Variants in GAD1 observed in about 807,000 individuals in gnomAD.
The protein encoded by GAD1 is glutamate decarboxylase 1, also known as 67 kDa glutamic acid decarboxylase.
A neutral mutation model predicts 75.2 loss-of-function variants in GAD1; 35 were observed. That is an observed-to-expected ratio of 0.47 (90% CI 0.36 to 0.62). The LOEUF (loss-of-function observed/expected upper bound fraction) is 0.62, where lower values mean the gene tolerates loss of function less well. Among genes scored for constraint, GAD1 ranks in the 20% least tolerant of loss-of-function variants. GAD1 has a pLI of 0.00. For missense variants in GAD1, 490 were observed against 758.5 expected (o/e 0.65, Z 4.16); for synonymous variants, 257 against 271.9 (o/e 0.95, Z 0.54).
At chr2:170,837,826 T>G (rs1702413590) in intron 6 of GAD1, among the ~76,000 whole-genome samples, 1 of 152,214 alleles carries the variant, frequency 6.6e-6, no homozygotes, top group Non-Finnish European at 1.5e-5. Flanking sequence ...AAAAGTAGAT[T>G]CCAAAAAATG....
chr2:170,823,604 G>A (rs1012004570), intron 3 of GAD1, among the ~76,000 whole-genome samples: 3 of 152,086 alleles, frequency 2.0e-5, no homozygotes, highest in Non-Finnish European at 2.9e-5. Flanking sequence ...TGGGGCAGCC[G>A]GCGGCCGCGG....
Position 170,853,375 on chromosome 2 carries a change from CT to C in GAD1, c.1264-497del, listed in dbSNP as rs1228368744. On this transcript the variant is annotated intron_variant, in intron 13 of 16. Coordinates refer to ENST00000358196, the MANE Select transcript of GAD1 (RefSeq NM_000817.3). This position sits in a 1 kb window ranked among gnomAD's most constrained non-coding sequence, Gnocchi z 4.1. ...TGCACACAGAAGCATTCCAAAAAGT[CT>C]GTCTCCAGCCTGTAGGAGCCAGAAT... 1 of 198,168 alleles carries C rather than the reference CT, an allele frequency of 5.0e-6. No individual in the cohort carries two copies. Among genetic ancestry groups the C allele is most frequent in the Non-Finnish European group, 1.0e-5 (1 of 95,516 alleles). 12.3% of individuals were successfully genotyped at this position (198,168 alleles called of 1,614,324 possible).
chr2:170,856,634 T>C (rs75780326), intron 14 of GAD1, among the ~76,000 whole-genome samples: 114 of 152,328 alleles, frequency 7.5e-4, no homozygotes, highest in African/African-American at 2.7e-3. Context: ...CAAAATCCCT[T>C]TGTCCAATTG....
chr2:170,854,469 C>T (rs1207815819), intron 14 of GAD1, among the ~76,000 whole-genome samples: 1 of 145,426 alleles, frequency 6.9e-6, no homozygotes, highest in Non-Finnish European at 1.5e-5. Context: ...GGCGCGATCT[C>T]GGCTCACTGC....
chr2:170,829,929 A>C, intron 4 of GAD1: 1 of 392,998 alleles, frequency 2.5e-6, no homozygotes. Flanking sequence ...CCTTGCATAT[A>C]AGAAAATCTA....
At chr2:170,826,428 C>T (rs1702027267) in intron 3 of GAD1, among the ~76,000 whole-genome samples, 1 of 151,984 alleles carries the variant, frequency 6.6e-6, no homozygotes, top group Admixed American at 6.5e-5. Context: ...ATTAGCCAGA[C>T]GTGGTGGTAG....
At chr2:170,813,895 CTG>C (rs1265894059), upstream of GAD1, among the ~76,000 whole-genome samples, 3 of 152,324 alleles carry the variant, frequency 2.0e-5, no homozygotes, top group South Asian at 2.1e-4. Context: ...CGGAGAGAGA[CTG>C]GAGGGGTCGC....
intron 5 of GAD1, among the ~76,000 whole-genome samples, chr2:170,835,599 C>T (rs938691018): frequency 1.3e-5 from 2 of 152,200 alleles, no homozygotes; most frequent in African/African-American, 2.4e-5. Flanking sequence ...TACTATTTCA[C>T]TTTGTGTTAA....
chr2:170,837,426 A>G lies in GAD1; in HGVS notation c.638+543A>G, dbSNP rs541846142. Among the ~76,000 whole-genome samples, 4 of 152,378 alleles carry G rather than the reference A, an allele frequency of 2.6e-5. No homozygotes were observed. In the South Asian group the frequency reaches 8.3e-4, roughly 32 times the overall value. ...TTTTTTCATACTTGTTTGTGTAGGC[A>G]AAGCCTTCCTTTGTTTCTAAGTTCT... On this transcript the variant is annotated intron_variant, in intron 6 of 16. Coordinates refer to ENST00000358196, the MANE Select transcript of GAD1 (RefSeq NM_000817.3).
intron 6 of GAD1, among the ~76,000 whole-genome samples, chr2:170,838,907 GAGA>G (rs552144309): frequency 6.5e-4 from 99 of 152,326 alleles, no homozygotes; most frequent in African/African-American, 2.1e-3. Context: ...CAGATCGATA[GAGA>G]AGGTTATTTA....
chr2:170,833,713 G>C (rs1215212427), intron 5 of GAD1, among the ~76,000 whole-genome samples: 4 of 152,228 alleles, frequency 2.6e-5, no homozygotes, highest in Admixed American at 6.5e-5. Flanking sequence ...CTTGTGGTCA[G>C]AGAAAGCACT....
chr2:170,854,225 A>G (rs778882395), intron 14 of GAD1, among the ~76,000 whole-genome samples: 4 of 152,128 alleles, frequency 2.6e-5, no homozygotes, highest in Admixed American at 6.6e-5. Context: ...AGTCTCCTCA[A>G]TTTGAACTAT....
intron 2 of GAD1, among the ~76,000 whole-genome samples, chr2:170,819,338 G>C (rs75025105): frequency 0.013 from 2,025 of 152,088 alleles, 28 homozygotes; most frequent in Non-Finnish European, 0.018. Flanking sequence ...GGCATCCTGA[G>C]TGGCAAGAGA....
chr2:170,827,288 C>G (rs1702047866), intron 3 of GAD1, among the ~76,000 whole-genome samples: 2 of 152,220 alleles, frequency 1.3e-5, no homozygotes, highest in African/African-American at 4.8e-5. Context: ...GGACTTTCTT[C>G]CAAGTCTGCC....
chr2:170,858,974 C>G, intron 16 of GAD1, 81 bp downstream of exon 16: 1 of 1,218,856 alleles, frequency 8.2e-7, no homozygotes, highest in Non-Finnish European at 1.2e-6. Context: ...ATGTGCCTTT[C>G]TAGTGGGGGA....
At chr2:170,824,713 T>A (rs1348975141) in intron 3 of GAD1, among the ~76,000 whole-genome samples, 1 of 152,036 alleles carries the variant, frequency 6.6e-6, no homozygotes, top group Non-Finnish European at 1.5e-5. Flanking sequence ...GGAGGCAGAA[T>A]CCCCCAGGGA....
chr2:170,829,847 G>T (rs1357074723), intron 4 of GAD1: 1 of 563,120 alleles, frequency 1.8e-6, no homozygotes, highest in Non-Finnish European at 3.2e-6. Flanking sequence ...GATGAAGGCA[G>T]TCAATAAAAG....
At chr2:170,835,192 C>T (rs1240951816) in intron 5 of GAD1, among the ~76,000 whole-genome samples, 1 of 152,190 alleles carries the variant, frequency 6.6e-6, no homozygotes, top group African/African-American at 2.4e-5. Context: ...CCAATTGTAT[C>T]ATGAACGTCA....
chr2:170,819,311 TAAATAGG>T (rs1328362352), intron 2 of GAD1, among the ~76,000 whole-genome samples: 1 of 150,752 alleles, frequency 6.6e-6, no homozygotes, highest in East Asian at 2.0e-4. Flanking sequence ...AATAAATAAA[TAAATAGG>T]GGAGCGGGCG....
Sources: allele counts gnomAD v4.1 joint callset (sites outside exome capture counted in the v4.1 genomes callset), GRCh38; gene constraint gnomAD v4.1.1; non-coding constraint Gnocchi (gnomAD v3.1); transcripts MANE v1.5; gene names NCBI Gene and HGNC (gene_info 2026-07-23, HGNC 2026-07-21).